Variants in XIRP2 observed in about 807,000 individuals in gnomAD.
XIRP2 encodes xin actin binding repeat containing 2.
In XIRP2, 236 loss-of-function variants were observed where a neutral mutation model predicts 277.0. The observed-to-expected ratio is 0.85, with a 90% CI of 0.77 to 0.95. XIRP2 has a LOEUF of 0.95. Among genes scored for constraint, XIRP2 ranks in the 40% least tolerant of loss-of-function variants. XIRP2 has a pLI of 0.00. For missense variants in XIRP2, 4,640 were observed against 4,157.5 expected (o/e 1.12, Z -3.19); for synonymous variants, 1,490 against 1,416.5 (o/e 1.05, Z -1.17).
intron 2 of XIRP2, among the ~76,000 whole-genome samples, chr2:167,062,296 C>A (rs567353321): frequency 6.6e-6 from 1 of 152,208 alleles, no homozygotes; most frequent in Non-Finnish European, 1.5e-5. Flanking sequence ...CTTGCTATAC[C>A]CCACTGGACC....
At chr2:167,177,351 TGTAGA>T (rs1692876256) in intron 3 of XIRP2, among the ~76,000 whole-genome samples, 3 of 152,216 alleles carry the variant, frequency 2.0e-5, no homozygotes, top group South Asian at 4.1e-4. Context: ...TATGTATGAA[TGTAGA>T]GTATTCAGCT....
chr2:167,195,337 C>T (rs1255849655), intron 3 of XIRP2, among the ~76,000 whole-genome samples: 1 of 152,206 alleles, frequency 6.6e-6, no homozygotes, highest in Non-Finnish European at 1.5e-5. Context: ...TACTCGCAGC[C>T]ACATTTTAAA....
chr2:167,055,337 G>A (rs1030081171), intron 2 of XIRP2, among the ~76,000 whole-genome samples: 2 of 152,158 alleles, frequency 1.3e-5, no homozygotes, highest in Admixed American at 6.5e-5. Context: ...CAGCCCAACT[G>A]CTTCTCTCTA....
intron 9 of XIRP2, among the ~76,000 whole-genome samples, chr2:167,253,162 T>C (rs1695564212): frequency 6.6e-6 from 1 of 151,902 alleles, no homozygotes; most frequent in Admixed American, 6.6e-5. Flanking sequence ...AGCTTAGTCA[T>C]TCTCACAGGA....
At position 167,249,242 on chromosome 2, in the gene XIRP2, A is replaced by G. The variant is rs764261809; in HGVS notation, c.7850A>G (p.Asn2617Ser). 2.5e-6 allele frequency: 4 copies of G among 1,613,608 alleles called. No homozygotes were observed. Among genetic ancestry groups the G allele is most frequent in the Non-Finnish European group, 3.4e-6 (4 of 1,179,776 alleles). ...VVQPSPGSQS[N>S]ARILGVCSDN... ...CAACCCAGCCCAGGCTCTCAAAGTA[A>G]TGCTCGGATACTAGGAGTGTGTTCT... Residue 2617 changes from asparagine (N) to serine (S), a missense_variant, in exon 9 of 11, where the codon AAT becomes AGT. Physicochemically the swap from Asn to Ser is conservative, Grantham distance 46 (BLOSUM62 1). Coordinates refer to ENST00000409195, the MANE Select transcript of XIRP2 (RefSeq NM_152381.6).
chr2:166,979,589 T>A (rs905387329), intron 2 of XIRP2, among the ~76,000 whole-genome samples: 2 of 151,754 alleles, frequency 1.3e-5, no homozygotes, highest in African/African-American at 4.8e-5. Flanking sequence ...CGGTTGTTTT[T>A]ACCATGAATA....
At chr2:167,146,986 T>C (rs1155283) in intron 3 of XIRP2, among the ~76,000 whole-genome samples, 15,152 of 152,160 alleles carry the variant, frequency 0.1, 819 homozygotes, top group South Asian at 0.16. Context: ...AGATAAATAA[T>C]TTTTGACTTC....
rs759429729 is a variant in XIRP2 at position 167,246,450 on chromosome 2, T to C, written c.5058T>C (p.Asp1686=). 14 of 1,613,632 alleles carry C rather than the reference T, an allele frequency of 8.7e-6. No individual in the cohort carries two copies. In the Admixed American group the frequency reaches 1.5e-4, roughly 17 times the overall value. Residue 1686 remains aspartate, a synonymous_variant, in exon 9 of 11, where the codon GAT becomes GAC. Transcript: ENST00000409195. ...GILIQEDEKG[D]INMTIYCLLH... ...TAATTCAGGAAGATGAAAAAGGAGA[T>C]ATTAACATGACTATCTATTGTCTTC...
At chr2:167,228,837 T>G (rs1694679751) in intron 5 of XIRP2, among the ~76,000 whole-genome samples, 1 of 152,176 alleles carries the variant, frequency 6.6e-6, no homozygotes, top group Admixed American at 6.6e-5. Flanking sequence ...ACCACAACTT[T>G]TCTTCTTAAT....
rs963682057 is a variant in XIRP2, at chr2:167,172,917, C to T, written c.562+36855C>T. Reference sequence around the variant, plus strand: ...TATTGATTGGGGAAGTGATAAATGTCCATGAAATCTTCACAATTTATGTTC... The same window carrying T: ...TATTGATTGGGGAAGTGATAAATGTTCATGAAATCTTCACAATTTATGTTC... On this transcript the variant is annotated intron_variant, in intron 3 of 10. Transcript: ENST00000409195. Among the ~76,000 whole-genome samples the T allele has an allele frequency of 2.0e-5, 3 of 152,100 alleles. 1 individual carries two copies. Among genetic ancestry groups the T allele is most frequent in the African/African-American group, 7.2e-5 (3 of 41,428 alleles).
At chr2:167,237,763 C>T (rs925762254) in intron 5 of XIRP2, among the ~76,000 whole-genome samples, 2 of 152,152 alleles carry the variant, frequency 1.3e-5, no homozygotes, top group South Asian at 4.1e-4. Flanking sequence ...GGTGCACATT[C>T]TCCTTTGCTA....
At chr2:167,188,782 T>C (rs1693239570) in intron 3 of XIRP2, among the ~76,000 whole-genome samples, 2 of 152,200 alleles carry the variant, frequency 1.3e-5, no homozygotes, top group Non-Finnish European at 2.9e-5. Flanking sequence ...GTGCCAACTG[T>C]TTGGGAAAAA....
chr2:167,218,638 G>C (rs937110906), intron 5 of XIRP2, among the ~76,000 whole-genome samples: 15 of 152,094 alleles, frequency 9.9e-5, no homozygotes, highest in African/African-American at 3.1e-4. Context: ...TCTGCTTCTA[G>C]GTTATAATTC....
chr2:167,169,280 G>A (rs946570841), intron 3 of XIRP2, among the ~76,000 whole-genome samples: 1 of 149,976 alleles, frequency 6.7e-6, no homozygotes, highest in African/African-American at 2.5e-5. Flanking sequence ...TTTATTTGTT[G>A]TGAAGACCAG....
At chr2:167,002,654 G>A (rs1230908839) in intron 2 of XIRP2, among the ~76,000 whole-genome samples, 1 of 151,662 alleles carries the variant, frequency 6.6e-6, no homozygotes, top group African/African-American at 2.4e-5. Context: ...ATCAATGTCT[G>A]GCTTATTTAT....
At chr2:167,129,989 C>A (rs1368381408) in intron 2 of XIRP2, among the ~76,000 whole-genome samples, 6 of 152,076 alleles carry the variant, frequency 3.9e-5, no homozygotes, top group South Asian at 4.2e-4. Context: ...AGATAATAGA[C>A]CTCACTGAGA....
intron 2 of XIRP2, among the ~76,000 whole-genome samples, chr2:167,063,240 A>G (rs927042959): frequency 9.2e-5 from 14 of 151,986 alleles, no homozygotes; most frequent in African/African-American, 2.9e-4. Context: ...ATTGATTTCT[A>G]GAATAACGTT....
chr2:166,977,034 T>C (rs1686734277), intron 2 of XIRP2, among the ~76,000 whole-genome samples: 4 of 152,230 alleles, frequency 2.6e-5, no homozygotes, highest in Admixed American at 2.0e-4. Flanking sequence ...TGTATTTTTA[T>C]TTTCCTCTTG....
intron 2 of XIRP2, among the ~76,000 whole-genome samples, chr2:167,007,450 T>G (rs144443038): frequency 2.6e-4 from 40 of 151,770 alleles, no homozygotes; most frequent in African/African-American, 9.2e-4. Flanking sequence ...TTACCAGTAA[T>G]GTTAATCAGT....
Sources: gnomAD v4.1 joint callset for allele counts (sites outside exome capture counted in the v4.1 genomes callset) on GRCh38, gnomAD v4.1.1 for gene constraint, MANE v1.5 for transcripts, NCBI Gene and HGNC (gene_info 2026-07-23, HGNC 2026-07-21) for gene names.